The following PDE4B variants were observed in gnomAD, a reference collection of about 807,000 sequenced individuals.
PDE4B encodes the protein 3',5'-cyclic-AMP phosphodiesterase 4B.
Under a neutral mutation model 82.2 loss-of-function variants are expected in PDE4B, and 20 were observed. The observed-to-expected ratio is 0.24, with a 90% CI of 0.17 to 0.35. The LOEUF (loss-of-function observed/expected upper bound fraction) is 0.35. PDE4B is among the 10% of genes least tolerant of loss of function. The pLI is 1.00. For missense variants in PDE4B, 655 were observed against 907.2 expected, an observed-to-expected ratio of 0.72 and a Z score of 3.57; for synonymous variants, 320 against 318.9, an observed-to-expected ratio of 1.00 and a Z score of -0.04.
chr1:65,924,091 T>TTTTTTTTTC, intron 3 of PDE4B, among the ~76,000 whole-genome samples: 1 of 85,986 alleles, frequency 1.2e-5, no homozygotes, highest in South Asian at 4.0e-4. Flanking sequence ...TTTTTTTTTT[T>TTTTTTTTTC]TGAGACGGAG....
At position 66,151,070 on chromosome 1, in the gene PDE4B, CTCT is replaced by C. The variant is rs369627035; in HGVS notation, c.282-96385_282-96383del. Among the ~76,000 whole-genome samples the C allele has an allele frequency of 3.4e-3, 521 of 152,186 alleles. 2 individuals are homozygous for C. The highest frequency in any genetic ancestry group is 0.012 in the African/African-American group (502 of 41,506). ...CAGATAATGAGTTGGAAAGTGTTTCCTCTTCTTTTATTTGTTGAAAAAATAGAT... is the reference window on the plus strand; with the variant it reads ...CAGATAATGAGTTGGAAAGTGTTTCCTCTTTTATTTGTTGAAAAAATAGAT... On this transcript the variant is annotated intron_variant, in intron 3 of 16. Transcript: ENST00000341517.
intron 3 of PDE4B, among the ~76,000 whole-genome samples, chr1:66,155,057 A>C (rs1042631430): frequency 1.3e-5 from 2 of 152,084 alleles, no homozygotes; most frequent in African/African-American, 4.8e-5. Context: ...TGAGCCCGGG[A>C]GGTTGAGTCT....
At chr1:66,255,358 G>A (rs1380827237) in intron 4 of PDE4B, among the ~76,000 whole-genome samples, 1 of 152,188 alleles carries the variant, frequency 6.6e-6, no homozygotes, top group African/African-American at 2.4e-5. Context: ...AAAGTGCTGG[G>A]ATTACAGGCA....
intron 1 of PDE4B, among the ~76,000 whole-genome samples, chr1:65,865,575 A>C (rs1349703825): frequency 1.3e-5 from 2 of 152,138 alleles, no homozygotes; most frequent in Non-Finnish European, 2.9e-5. Flanking sequence ...AAACTATGGG[A>C]AAAGCGTGCT....
At chr1:65,988,530 T>A (rs2100670451) in intron 3 of PDE4B, among the ~76,000 whole-genome samples, 1 of 152,186 alleles carries the variant, frequency 6.6e-6, no homozygotes, top group South Asian at 2.1e-4. Context: ...TGGTTGTGTG[T>A]TGTTTTAGAA....
intron 8 of PDE4B, among the ~76,000 whole-genome samples, chr1:66,344,608 C>G (rs952077236): frequency 6.6e-6 from 1 of 152,122 alleles, no homozygotes; most frequent in African/African-American, 2.4e-5. Flanking sequence ...AATAGAAGAA[C>G]TTTGTCAAAA....
In PDE4B at chr1:66,312,497, T is replaced by A. The variant is rs117167935; in HGVS notation, c.635-20011T>A. On this transcript the variant is annotated intron_variant, in intron 7 of 16. Coordinates refer to ENST00000341517, the MANE Select transcript of PDE4B (RefSeq NM_002600.4). ...CACCTTCCGTCACTGTGACACTAAA[T>A]CTTCTGCTTCCCTCTTCAGCATTAA... Among the ~76,000 whole-genome samples, 55 of 152,314 alleles carry A rather than the reference T, an allele frequency of 3.6e-4. No homozygotes were observed. In the East Asian group the frequency reaches 0.01, roughly 29 times the overall value.
chr1:66,129,603 T>G (rs1341737948), intron 3 of PDE4B, among the ~76,000 whole-genome samples: 1 of 139,554 alleles, frequency 7.2e-6, no homozygotes, highest in Non-Finnish European at 1.5e-5. Context: ...GAGCTTGCAG[T>G]GAGCCGAGAT....
At chr1:65,954,465 G>A (rs887227100) in intron 3 of PDE4B, among the ~76,000 whole-genome samples, 4 of 151,958 alleles carry the variant, frequency 2.6e-5, no homozygotes, top group South Asian at 2.1e-4. Flanking sequence ...TATATATCAC[G>A]TTCATGCATT....
rs936465506 is a variant in PDE4B at position 66,373,241 on chromosome 1, C to G, written c.*563C>G. 6.5e-6 allele frequency: 1 copy of G among 153,636 alleles called. No homozygotes were observed. The allele number at this position is 153,636 out of a possible 1,614,324, so 9.5% of individuals were successfully genotyped here. A position where few individuals can be genotyped will look rare whatever the true frequency, so the allele number is the denominator to read the frequency against. ...TCCTTCTTTCTTGGGCAATATCCTT[C>G]ACTTTACTACAGTTACTTTTGCAAA... is the stretch of plus-strand genomic sequence containing the variant. On this transcript the variant is annotated 3_prime_UTR_variant, in exon 17 of 17. Coordinates refer to ENST00000341517, the MANE Select transcript of PDE4B (RefSeq NM_002600.4).
At chr1:66,345,829 A>T (rs1661353700) in intron 8 of PDE4B, among the ~76,000 whole-genome samples, 1 of 152,150 alleles carries the variant, frequency 6.6e-6, no homozygotes, top group Admixed American at 6.5e-5. Flanking sequence ...TACCCTGAAA[A>T]AAGGGAAAGC....
intron 3 of PDE4B, among the ~76,000 whole-genome samples, chr1:66,208,660 C>A (rs375468304): frequency 3.3e-5 from 5 of 152,264 alleles, no homozygotes; most frequent in African/African-American, 1.2e-4. Context: ...AATATAATTT[C>A]TTGCTCCTCC....
chr1:65,869,762 G>C (rs571684849), intron 1 of PDE4B, among the ~76,000 whole-genome samples: 24 of 149,474 alleles, frequency 1.6e-4, no homozygotes, highest in African/African-American at 5.9e-4. Flanking sequence ...CAGAGTGCTC[G>C]AAAAAGCTGC....
At chr1:66,022,406 C>T (rs1387127057) in intron 3 of PDE4B, among the ~76,000 whole-genome samples, 2 of 152,094 alleles carry the variant, frequency 1.3e-5, no homozygotes, top group Non-Finnish European at 2.9e-5. Context: ...GGAATGCTTC[C>T]AGTTTGTGCC....
At chr1:66,329,007 G>A (rs957748454) in intron 7 of PDE4B, among the ~76,000 whole-genome samples, 4 of 152,232 alleles carry the variant, frequency 2.6e-5, no homozygotes, top group Non-Finnish European at 5.9e-5. Context: ...GGGACCATGA[G>A]AAGGGAGAAA....
chr1:65,875,197 A>G (rs1395671286), intron 1 of PDE4B, among the ~76,000 whole-genome samples: 14 of 152,172 alleles, frequency 9.2e-5, no homozygotes, highest in East Asian at 1.9e-4. Flanking sequence ...AACACATGAA[A>G]AAATGCTCAT....
chr1:66,074,171 G>A (rs1162863108), intron 3 of PDE4B, among the ~76,000 whole-genome samples: 1 of 152,138 alleles, frequency 6.6e-6, no homozygotes, highest in Non-Finnish European at 1.5e-5. Context: ...TTGGAAGAGG[G>A]ACTGGAAGAC....
rs1278602848 is a variant in PDE4B at position 66,272,964 on chromosome 1, G to A, written c.634+6877G>A. On this transcript the variant is annotated intron_variant, in intron 7 of 16. Coordinates refer to ENST00000341517, the MANE Select transcript of PDE4B (RefSeq NM_002600.4). The stretch of plus-strand genomic sequence containing the variant: ...CACCACCGTGCCCAGCTAATTTTTT[G>A]TATTTTTAGTAGAGACAGGGTTTCA... Among the ~76,000 whole-genome samples the A allele has an allele frequency of 5.3e-5, 8 of 151,282 alleles. No individual in the cohort carries two copies. The South Asian group carries it at 6.3e-4, about 12-fold the overall frequency.
chr1:66,266,593 G>T, intron 7 of PDE4B: 1 of 417,460 alleles, frequency 2.4e-6, no homozygotes, highest in South Asian at 1.8e-5. Flanking sequence ...CTTTTGGAGG[G>T]CATCCAACTT....
Sources: gnomAD v4.1 joint callset for allele counts (sites outside exome capture counted in the v4.1 genomes callset) on GRCh38, gnomAD v4.1.1 for gene constraint, MANE v1.5 for transcripts, NCBI Gene and HGNC (gene_info 2026-07-23, HGNC 2026-07-21) for gene names.